GFRA1: variants seen among roughly 807,000 people sequenced by gnomAD.
GFRA1 encodes GDNF family receptor alpha 1.
GFRA1 carries 16 observed loss-of-function variants against 51.6 expected under a neutral mutation model. The observed-to-expected ratio is 0.31, with a 90% CI of 0.21 to 0.47. The LOEUF (loss-of-function observed/expected upper bound fraction) is 0.47, where lower values mean the gene tolerates loss of function less well. GFRA1 is among the 20% of genes least tolerant of loss of function. GFRA1 has a pLI of 1.00. For synonymous variants in GFRA1, 270 were observed against 241.3 expected (o/e 1.12, Z -1.10); for missense variants, 530 against 594.3 (o/e 0.89, Z 1.13).
At chr10:116,158,677 A>G (rs1423767222) in intron 5 of GFRA1, among the ~76,000 whole-genome samples, 1 of 152,208 alleles carries the variant, frequency 6.6e-6, no homozygotes, top group African/African-American at 2.4e-5. Context: ...GCTCAGCAGG[A>G]TGCTGGAGGC....
At chr10:116,183,257 G>T (rs1458395065) in intron 5 of GFRA1, among the ~76,000 whole-genome samples, 1 of 152,192 alleles carries the variant, frequency 6.6e-6, no homozygotes, top group African/African-American at 2.4e-5. Context: ...AAGACTTGGT[G>T]AGTAAAGACA....
rs1239638650 is a variant in GFRA1, at chr10:116,059,293, A to G, written c.*5105T>C. 6.6e-6 allele frequency: 1 copy of G among 152,234 alleles called. No individual in the cohort carries two copies. The highest frequency in any genetic ancestry group is 1.5e-5 in the Non-Finnish European group (1 of 68,056). 9.4% of individuals were successfully genotyped at this position (152,234 alleles called of 1,614,324 possible). On this transcript the variant is annotated 3_prime_UTR_variant, in exon 11 of 11. Coordinates refer to ENST00000355422, the MANE Select transcript of GFRA1 (RefSeq NM_005264.8). Reference sequence around the variant, plus strand: ...GCAAGAGATGTTCAAACTAAGTAAGAGTCTAAAGATCTCTGGCCAGTCTCC... The same window carrying G: ...GCAAGAGATGTTCAAACTAAGTAAGGGTCTAAAGATCTCTGGCCAGTCTCC...
At chr10:116,173,378 T>C (rs1589843858) in intron 5 of GFRA1, among the ~76,000 whole-genome samples, 1 of 152,070 alleles carries the variant, frequency 6.6e-6, no homozygotes, top group South Asian at 2.1e-4. Flanking sequence ...TGGCTTTCAT[T>C]TGACAGATAA....
chr10:116,256,207 C>T (rs1968840520), intron 4 of GFRA1, among the ~76,000 whole-genome samples: 1 of 152,180 alleles, frequency 6.6e-6, no homozygotes. Flanking sequence ...CTCACAGCTA[C>T]TAAGTGCTGG....
chr10:116,081,006 AC>A (rs1203564202), intron 9 of GFRA1, among the ~76,000 whole-genome samples: 15 of 152,106 alleles, frequency 9.9e-5, no homozygotes, highest in Admixed American at 2.6e-4. Context: ...TCCATTGGAA[AC>A]CCCCCCAGAC....
At chr10:116,205,533 C>G (rs1469237553) in intron 5 of GFRA1, among the ~76,000 whole-genome samples, 2 of 150,634 alleles carry the variant, frequency 1.3e-5, no homozygotes, top group East Asian at 3.9e-4. Flanking sequence ...TGAGAACGCA[C>G]CACTGCACTC....
At chr10:116,123,354 T>G (rs1173667199) in intron 6 of GFRA1, among the ~76,000 whole-genome samples, 3 of 152,216 alleles carry the variant, frequency 2.0e-5, no homozygotes, top group African/African-American at 7.2e-5. Flanking sequence ...CATAAGACGC[T>G]TGGTCATCCG....
chr10:116,116,042 G>T (rs1957398414), intron 6 of GFRA1, among the ~76,000 whole-genome samples: 1 of 152,192 alleles, frequency 6.6e-6, no homozygotes, highest in Admixed American at 6.5e-5. Context: ...GTCTGGTAAA[G>T]ATCCAGAGGT....
intron 6 of GFRA1, among the ~76,000 whole-genome samples, chr10:116,118,470 C>T (rs1323741828): frequency 6.6e-6 from 1 of 152,178 alleles, no homozygotes; most frequent in African/African-American, 2.4e-5. Context: ...AAGGCCCCTT[C>T]TTCCCACCTC....
At chr10:116,135,019 T>C (rs182918953) in intron 5 of GFRA1, among the ~76,000 whole-genome samples, 50 of 152,338 alleles carry the variant, frequency 3.3e-4, no homozygotes, top group Admixed American at 3.1e-3. Context: ...TGTTATACAT[T>C]GGATCTCTGA....
intron 4 of GFRA1, among the ~76,000 whole-genome samples, chr10:116,256,539 G>T (rs1968870288): frequency 6.6e-6 from 1 of 152,182 alleles, no homozygotes; most frequent in Non-Finnish European, 1.5e-5. Context: ...GGGCTCAGTA[G>T]CTTCTTAGGA....
intron 4 of GFRA1, among the ~76,000 whole-genome samples, chr10:116,266,967 G>A (rs1969706188): frequency 6.6e-6 from 1 of 152,096 alleles, no homozygotes; most frequent in Non-Finnish European, 1.5e-5. Flanking sequence ...ACTCTGAGAG[G>A]GAAAATGAGT....
At position 116,177,098 on chromosome 10, in the gene GFRA1, G is replaced by A. The variant is rs1480872082; in HGVS notation, c.433+34533C>T. Among the ~76,000 whole-genome samples the A allele has an allele frequency of 2.6e-5, 4 of 152,246 alleles. No homozygotes were observed. The East Asian group carries it at 7.7e-4, about 29-fold the overall frequency. On this transcript the variant is annotated intron_variant, in intron 5 of 10. Coordinates refer to ENST00000355422, the MANE Select transcript of GFRA1 (RefSeq NM_005264.8). ...AGTGTGTCTAGAACACAGAGGATGG[G>A]GCAGAAAGTGAGGCTGAAAAGAAAG...
At chr10:116,106,294 A>G (rs949260206) in intron 6 of GFRA1, among the ~76,000 whole-genome samples, 2 of 152,234 alleles carry the variant, frequency 1.3e-5, no homozygotes, top group African/African-American at 4.8e-5. Flanking sequence ...AACAGCACCA[A>G]TAGAAAACTA....
intron 4 of GFRA1, among the ~76,000 whole-genome samples, chr10:116,223,033 C>G (rs964545005): frequency 1.3e-5 from 2 of 152,024 alleles, no homozygotes; most frequent in African/African-American, 4.8e-5. Context: ...AAATGCAAAT[C>G]CCACACCATT....
intron 9 of GFRA1, among the ~76,000 whole-genome samples, chr10:116,081,274 A>G (rs576696278): frequency 6.6e-6 from 1 of 152,266 alleles, no homozygotes; most frequent in African/African-American, 2.4e-5. Flanking sequence ...GGAGTCTGAC[A>G]CCCTGAGTGG....
rs113454181 is a variant in GFRA1 at position 116,118,326 on chromosome 10, C to T, written c.770+6895G>A. Among the ~76,000 whole-genome samples the T allele has an allele frequency of 4.9e-3, 742 of 152,298 alleles. 6 individuals are homozygous for T. The highest frequency in any genetic ancestry group is 0.017 in the African/African-American group (704 of 41,560). On this transcript the variant is annotated intron_variant, in intron 6 of 10. Transcript: ENST00000355422. ...ACTCCAACTCTGCCTCCATGTTGCT[C>T]CCACCTGGGAGCTCTCTGATGCTCT...
intron 4 of GFRA1, among the ~76,000 whole-genome samples, chr10:116,252,277 T>C (rs1473673410): frequency 6.6e-6 from 1 of 152,050 alleles, no homozygotes; most frequent in East Asian, 1.9e-4. Context: ...ATGAGAGCCA[T>C]TTCTGAGAGG....
chr10:116,201,928 T>C (rs1964366046), intron 5 of GFRA1, among the ~76,000 whole-genome samples: 1 of 152,210 alleles, frequency 6.6e-6, no homozygotes, highest in Non-Finnish European at 1.5e-5. Context: ...AACATGATCA[T>C]TGATTACACT....
Sources: allele counts gnomAD v4.1 joint callset (sites outside exome capture counted in the v4.1 genomes callset), GRCh38; gene constraint gnomAD v4.1.1; transcripts MANE v1.5; gene names NCBI Gene and HGNC (gene_info 2026-07-23, HGNC 2026-07-21).